VEZT: variants seen among roughly 807,000 people sequenced by gnomAD.
The protein encoded by VEZT is vezatin.
Under a neutral mutation model 79.9 loss-of-function variants are expected in VEZT, and 39 were observed. The ratio of observed to expected loss-of-function variants is 0.49; its 90% CI spans 0.38 to 0.64. VEZT has a LOEUF of 0.64. Ranked by LOEUF, VEZT falls within the 30% of genes least tolerant of loss-of-function variation. The probability of loss-of-function intolerance (pLI) is 0.00; values close to 1 mark genes in which losing one functional copy is unlikely to be tolerated. For synonymous variants in VEZT, 325 were observed against 327.6 expected (o/e 0.99, Z 0.09); for missense variants, 837 against 893.1 (o/e 0.94, Z 0.80).
At chr12:95,241,430 A>G (rs1157436942) in intron 1 of VEZT, among the ~76,000 whole-genome samples, 3 of 151,972 alleles carry the variant, frequency 2.0e-5, no homozygotes, top group Non-Finnish European at 4.4e-5. Context: ...TCAGCCTCCC[A>G]AGTAGCTGGG....
At chr12:95,261,513 G>A (rs1423000295) in intron 3 of VEZT, among the ~76,000 whole-genome samples, 3 of 152,164 alleles carry the variant, frequency 2.0e-5, no homozygotes, top group Non-Finnish European at 4.4e-5. Context: ...CTGGGTTCAA[G>A]AGATTCTCCT....
At chr12:95,295,503 G>T (rs2073942058) in intron 10 of VEZT, among the ~76,000 whole-genome samples, 1 of 152,136 alleles carries the variant, frequency 6.6e-6, no homozygotes, top group Admixed American at 6.6e-5. Context: ...CCGATCTGAT[G>T]CAGGTACGTC....
chr12:95,255,002 A>G (rs2063236836), intron 2 of VEZT, among the ~76,000 whole-genome samples: 1 of 152,014 alleles, frequency 6.6e-6, no homozygotes, highest in Admixed American at 6.6e-5. Context: ...TTGGCTTGAT[A>G]TCTTCTCTGG....
chr12:95,220,211 T>C (rs2057361203), intron 1 of VEZT, among the ~76,000 whole-genome samples: 1 of 152,136 alleles, frequency 6.6e-6, no homozygotes, highest in African/African-American at 2.4e-5. Context: ...TCTCAGCACT[T>C]TGGGAGGCTG....
At position 95,301,738 on chromosome 12, in the gene VEZT, TGTA is replaced by T. The variant is rs557067224; in HGVS notation, c.*1069_*1071del. On this transcript the variant is annotated 3_prime_UTR_variant, in exon 12 of 12. Coordinates refer to ENST00000436874, the MANE Select transcript of VEZT (RefSeq NM_017599.4). ...TTCTATAGACATTATTTGGGGGAAA[TGTA>T]GTAATAACTCAATCTATGTTGCTGT... 7.9e-5 allele frequency: 12 copies of T among 152,314 alleles called. 1 individual carries two copies. In the East Asian group the frequency reaches 2.3e-3, roughly 29 times the overall value. The allele number at this position is 152,314 out of a possible 1,614,324, so 9.4% of individuals were successfully genotyped here. A position where few individuals can be genotyped will look rare whatever the true frequency, so the allele number is the denominator to read the frequency against.
chr12:95,229,772 C>A (rs953875165), intron 1 of VEZT, among the ~76,000 whole-genome samples: 3 of 152,084 alleles, frequency 2.0e-5, no homozygotes, highest in Non-Finnish European at 4.4e-5. Flanking sequence ...TCAGTGTACT[C>A]GACAGGGGCA....
intron 9 of VEZT, chr12:95,294,025 A>G (rs1282305598): frequency 1.6e-5 from 6 of 374,400 alleles, no homozygotes; most frequent in Non-Finnish European, 3.0e-5. Flanking sequence ...AGTAGCTGGG[A>G]TTACAGGTGT....
intron 6 of VEZT, among the ~76,000 whole-genome samples, 162 bp downstream of exon 6, chr12:95,270,350 G>A (rs1408713443): frequency 6.6e-6 from 1 of 152,104 alleles, no homozygotes; most frequent in Non-Finnish European, 1.5e-5. Context: ...TGCATTCCTG[G>A]GGGAATGACA....
intron 2 of VEZT, 106 bp from the exon 3 acceptor site, chr12:95,257,044 C>T: frequency 1.1e-6 from 1 of 920,828 alleles, no homozygotes; most frequent in Non-Finnish European, 1.6e-6. Context: ...TTTTTTCTTC[C>T]TTTTCTGATA....
At chr12:95,272,014 T>C (rs78404597) in intron 6 of VEZT, among the ~76,000 whole-genome samples, 2 of 151,916 alleles carry the variant, frequency 1.3e-5, no homozygotes, top group African/African-American at 4.8e-5. Context: ...AAAAAAAAAT[T>C]CTTTTAAATT....
At chr12:95,223,891 G>GT (rs199883658) in intron 1 of VEZT, among the ~76,000 whole-genome samples, 48 of 151,432 alleles carry the variant, frequency 3.2e-4, no homozygotes, top group African/African-American at 8.0e-4. Flanking sequence ...TTTTTGTTCT[G>GT]TTTTTTTTAG....
intron 5 of VEZT, among the ~76,000 whole-genome samples, chr12:95,269,131 G>C (rs991898861): frequency 3.3e-5 from 5 of 152,150 alleles, no homozygotes; most frequent in Admixed American, 1.3e-4. Flanking sequence ...TTGTGTTATA[G>C]TATAAGCAAT....
chr12:95,264,017 T>C (rs954765157), intron 4 of VEZT, among the ~76,000 whole-genome samples: 1 of 152,218 alleles, frequency 6.6e-6, no homozygotes, highest in Admixed American at 6.5e-5. Context: ...TAAAGTACTT[T>C]ATTAAATTTG....
At chr12:95,230,380 A>T (rs1018988955) in intron 1 of VEZT, among the ~76,000 whole-genome samples, 1 of 150,970 alleles carries the variant, frequency 6.6e-6, no homozygotes, top group Non-Finnish European at 1.5e-5. Flanking sequence ...TCTCATTAAG[A>T]TCTTTATTAA....
chr12:95,271,525 G>A (rs2066593705), intron 6 of VEZT, among the ~76,000 whole-genome samples: 1 of 152,146 alleles, frequency 6.6e-6, no homozygotes, highest in Non-Finnish European at 1.5e-5. Context: ...ATAGAAGTTG[G>A]CCATGAGGAT....
Position 95,257,286 on chromosome 12 carries a change from AG to A in VEZT, c.258+48del, listed in dbSNP as rs773863822. ...CCACTTTTCAGGGTTCTAGGTTATTAGTGAAATAATTGGTGAATCAGAATTT... is the reference window on the plus strand; with the variant it reads ...CCACTTTTCAGGGTTCTAGGTTATTATGAAATAATTGGTGAATCAGAATTT... On this transcript the variant is annotated intron_variant, in intron 3 of 11. Coordinates refer to ENST00000436874, the MANE Select transcript of VEZT (RefSeq NM_017599.4). The A allele has an allele frequency of 3.6e-6, 5 of 1,396,408 alleles. No individual in the cohort carries two copies. In the Admixed American group the frequency reaches 1.2e-4, roughly 33 times the overall value. The allele number at this position is 1,396,408 out of a possible 1,614,324, so 86.5% of individuals were successfully genotyped here.
chr12:95,253,217 G>A (rs909825224), intron 2 of VEZT, among the ~76,000 whole-genome samples: 3 of 152,156 alleles, frequency 2.0e-5, no homozygotes, highest in Non-Finnish European at 4.4e-5. Flanking sequence ...TTTAATCAGT[G>A]TTTTATCACT....
chr12:95,257,025 C>A, intron 2 of VEZT, 125 bp from the exon 3 acceptor site: 1 of 762,248 alleles, frequency 1.3e-6, no homozygotes. Flanking sequence ...GGTATATAAC[C>A]TGGACAATTT....
chr12:95,224,051 G>T, intron 1 of VEZT: 2 of 371,460 alleles, frequency 5.4e-6, no homozygotes, highest in South Asian at 4.1e-5. Context: ...TAATACCCAA[G>T]TATATAGTTG....
Sources: allele counts gnomAD v4.1 joint callset (sites outside exome capture counted in the v4.1 genomes callset), GRCh38; gene constraint gnomAD v4.1.1; transcripts MANE v1.5; gene names NCBI Gene and HGNC (gene_info 2026-07-23, HGNC 2026-07-21).